ZNF667: variants seen among roughly 807,000 people sequenced by gnomAD.
ZNF667 encodes the protein zinc finger protein 667, also known as myocardial ischemic preconditioning upregulated 1 ortholog.
ZNF667 carries 13 observed loss-of-function variants against 31.8 expected under a neutral mutation model. That is an observed-to-expected ratio of 0.41 (90% CI 0.27 to 0.65). The LOEUF is 0.65. Among genes scored for constraint, ZNF667 ranks in the 30% least tolerant of loss-of-function variants. The pLI is 0.32. For missense variants in ZNF667, 642 were observed against 725.6 expected (o/e 0.88, Z 1.32); for synonymous variants, 228 against 247.1 (o/e 0.92, Z 0.73).
chr19:56,462,198 C>A (rs1485009493), intron 4 of ZNF667, 140 bp downstream of exon 4: 4 of 1,073,276 alleles, frequency 3.7e-6, no homozygotes, highest in South Asian at 1.4e-5. Context: ...TCTCATCCCT[C>A]ATGGCAACGG....
At chr19:56,464,758 CAG>C (rs1244930901) in intron 3 of ZNF667, among the ~76,000 whole-genome samples, 2 of 152,100 alleles carry the variant, frequency 1.3e-5, no homozygotes, top group Non-Finnish European at 2.9e-5. Flanking sequence ...GGCTGGAAAG[CAG>C]AGACTTTGTT....
Position 56,442,638 on chromosome 19 carries a change from A to G in ZNF667, c.357T>C (p.Pro119=), listed in dbSNP as rs373973587. The G allele has an allele frequency of 1.9e-6, 3 of 1,613,786 alleles. No homozygotes were observed. The highest frequency in any genetic ancestry group is 2.7e-5 in the African/African-American group (2 of 74,924). ...TTTTGTTGCAGCCACTCTTTCGTGT[A>G]GGAGCTTTTTGTTGTGCAGAAACTA... is the stretch of plus-strand genomic sequence containing the variant. The part of the protein sequence containing the change: ...QKLVSAQQKA[P]TRKSGCNKNS... The change falls in exon 7 of 7, where the codon CCT becomes CCC. Residue 119 remains proline (P), a synonymous_variant. Transcript: ENST00000504904.
rs2042575196 is a variant in ZNF667, at chr19:56,440,245, G to A, written c.*917C>T. On this transcript the variant is annotated 3_prime_UTR_variant, in exon 7 of 7. Coordinates refer to ENST00000504904, the MANE Select transcript of ZNF667 (RefSeq NM_001321356.2). ...AACAATACTGATTTCTCCTGGCTCTGAAATCCTCATTCTTCACTATATCTT... is the reference window on the plus strand; with the variant it reads ...AACAATACTGATTTCTCCTGGCTCTAAAATCCTCATTCTTCACTATATCTT... The A allele has an allele frequency of 6.6e-6, 1 of 152,126 alleles. No homozygotes were observed. The highest frequency in any genetic ancestry group is 2.4e-5 in the African/African-American group (1 of 41,424). The allele number at this position is 152,126 out of a possible 1,614,324, so 9.4% of individuals were successfully genotyped here. A position where few individuals can be genotyped will look rare whatever the true frequency, so the allele number is the denominator to read the frequency against.
chr19:56,467,995 G>A (rs2043199255), intron 3 of ZNF667: 1 of 152,202 alleles, frequency 6.6e-6, no homozygotes, highest in African/African-American at 2.4e-5. Flanking sequence ...CCCAGAGGTT[G>A]AAGGGTGGAG....
chr19:56,450,638 G>T (rs1307921546), intron 6 of ZNF667, among the ~76,000 whole-genome samples: 1 of 152,086 alleles, frequency 6.6e-6, no homozygotes, highest in Non-Finnish European at 1.5e-5. Flanking sequence ...CTAAAAGACG[G>T]ACTGACAAAA....
Position 56,440,427 on chromosome 19 carries a change from T to C in ZNF667, c.*735A>G, listed in dbSNP as rs1327648099. The C allele has an allele frequency of 4.9e-6, 1 of 202,138 alleles. No homozygotes were observed. The highest frequency in any genetic ancestry group is 1.8e-4 in the East Asian group (1 of 5,430). The allele number at this position is 202,138 out of a possible 1,614,324, so 12.5% of individuals were successfully genotyped here. A position where few individuals can be genotyped will look rare whatever the true frequency, so the allele number is the denominator to read the frequency against. ...TACCTAAAGACTCACTTTTCTTTATTCTCACCCACAAGTTTGTCAGCTGAA... is the reference window on the plus strand; with the variant it reads ...TACCTAAAGACTCACTTTTCTTTATCCTCACCCACAAGTTTGTCAGCTGAA... On this transcript the variant is annotated 3_prime_UTR_variant, in exon 7 of 7. Coordinates refer to ENST00000504904, the MANE Select transcript of ZNF667 (RefSeq NM_001321356.2).
chr19:56,467,141 A>G (rs752468417), intron 3 of ZNF667: 2 of 436,140 alleles, frequency 4.6e-6, no homozygotes, highest in Non-Finnish European at 9.2e-6. Flanking sequence ...ACTGTGTGCC[A>G]TGCCGGCCAC....
At chr19:56,461,756 A>G (rs2043049734) in intron 4 of ZNF667, among the ~76,000 whole-genome samples, 2 of 152,224 alleles carry the variant, frequency 1.3e-5, no homozygotes, top group Non-Finnish European at 1.5e-5. Context: ...AAACCACTCA[A>G]TGATTGACAG....
intron 6 of ZNF667, among the ~76,000 whole-genome samples, chr19:56,456,573 G>A (rs1013427085): frequency 1.3e-5 from 2 of 152,142 alleles, no homozygotes; most frequent in Non-Finnish European, 2.9e-5. Flanking sequence ...TAATTCAGAA[G>A]TATCTAGAGC....
chr19:56,455,124 G>T (rs1022940446), intron 6 of ZNF667, among the ~76,000 whole-genome samples: 1 of 152,056 alleles, frequency 6.6e-6, no homozygotes, highest in Non-Finnish European at 1.5e-5. Flanking sequence ...AAACTACATG[G>T]TATCATCTCA....
chr19:56,458,405 A>C (rs112885561), intron 5 of ZNF667, among the ~76,000 whole-genome samples, 158 bp from the exon 6 acceptor site: 5 of 152,198 alleles, frequency 3.3e-5, no homozygotes, highest in African/African-American at 1.2e-4. Flanking sequence ...ATTGTGATTT[A>C]TAAGAATATG....
intron 4 of ZNF667, among the ~76,000 whole-genome samples, chr19:56,461,965 C>A (rs961958192): frequency 6.6e-6 from 1 of 152,198 alleles, no homozygotes; most frequent in African/African-American, 2.4e-5. Context: ...ATGTCAAGTC[C>A]CCTCTGCTAC....
At chr19:56,443,953 C>A (rs911932280) in intron 6 of ZNF667, among the ~76,000 whole-genome samples, 9 of 151,992 alleles carry the variant, frequency 5.9e-5, no homozygotes, top group Admixed American at 3.3e-4. Context: ...TCACCTGTAG[C>A]TACTGAGGAA....
chr19:56,463,624 C>A (rs180847134), intron 3 of ZNF667, among the ~76,000 whole-genome samples: 1 of 152,040 alleles, frequency 6.6e-6, no homozygotes, highest in Non-Finnish European at 1.5e-5. Flanking sequence ...ACCTCCCCGG[C>A]TCAAGCGATC....
intron 6 of ZNF667, among the ~76,000 whole-genome samples, chr19:56,452,345 C>T (rs540496380): frequency 6.6e-5 from 10 of 151,994 alleles, no homozygotes; most frequent in East Asian, 1.9e-4. Flanking sequence ...CCACCACCCC[C>T]GGCCTGAAGA....
At chr19:56,444,440 T>G (rs1259627441) in intron 6 of ZNF667, among the ~76,000 whole-genome samples, 1 of 152,230 alleles carries the variant, frequency 6.6e-6, no homozygotes, top group Non-Finnish European at 1.5e-5. Context: ...AAGCCATTCA[T>G]GAGAAACCCA....
At chr19:56,443,223 TTTAATTA>T (rs1187466675) in intron 6 of ZNF667, among the ~76,000 whole-genome samples, 11 of 152,220 alleles carry the variant, frequency 7.2e-5, no homozygotes, top group African/African-American at 2.7e-4. Context: ...TCCAAAATCA[TTTAATTA>T]TATTCTAGAT....
Position 56,441,668 on chromosome 19 carries a change from A to G in ZNF667, c.1327T>C (p.Phe443Leu). 1 of 1,614,094 alleles carries G rather than the reference A, an allele frequency of 6.2e-7. No homozygotes were observed. The highest frequency in any genetic ancestry group is 8.5e-7 in the Non-Finnish European group (1 of 1,180,008). ...ACTTTACTACATTTATTGCATTTGA[A>G]AGGTTTCTCTTCAGAATGAATATTC... ...HQNIHSEEKP[F>L]KCNKCSKVFG... The change falls in exon 7 of 7, where the codon TTC becomes CTC. Residue 443 changes from phenylalanine to leucine, a missense_variant. Phe to Leu is a conservative substitution (Grantham distance 22, BLOSUM62 0). Coordinates refer to ENST00000504904, the MANE Select transcript of ZNF667 (RefSeq NM_001321356.2). This position sits in a 1 kb window ranked among gnomAD's most constrained non-coding sequence, Gnocchi z 4.2.
chr19:56,443,430 T>G (rs1311777129), intron 6 of ZNF667, among the ~76,000 whole-genome samples: 1 of 152,194 alleles, frequency 6.6e-6, no homozygotes, highest in Non-Finnish European at 1.5e-5. Context: ...TTACAGTAGA[T>G]TTACATAAAC....
Sources: allele counts gnomAD v4.1 joint callset (sites outside exome capture counted in the v4.1 genomes callset), GRCh38; gene constraint gnomAD v4.1.1; non-coding constraint Gnocchi (gnomAD v3.1); transcripts MANE v1.5; gene names NCBI Gene and HGNC (gene_info 2026-07-23, HGNC 2026-07-21).